The following TRMT11 variants were observed in gnomAD, a reference collection of about 807,000 sequenced individuals.
The protein encoded by TRMT11 is tRNA (guanine(10)-N(2))-methyltransferase TRMT11.
TRMT11 carries 53 observed loss-of-function variants against 62.8 expected under a neutral mutation model. The ratio of observed to expected loss-of-function variants is 0.84; its 90% confidence interval spans 0.68 to 1.06. TRMT11 has a LOEUF of 1.06. Ranked by LOEUF, TRMT11 falls within the 50% of genes least tolerant of loss-of-function variation. TRMT11 has a pLI of 0.00. For missense variants in TRMT11, 556 were observed against 553.4 expected (o/e 1.00, Z -0.05); for synonymous variants, 188 against 190.3 (o/e 0.99, Z 0.10).
chr6:126,017,523 G>T (rs1349286979), intron 11 of TRMT11, among the ~76,000 whole-genome samples: 2 of 152,062 alleles, frequency 1.3e-5, no homozygotes, highest in East Asian at 1.9e-4. Flanking sequence ...CAGACTTTTT[G>T]CCAGCATCAA....
chr6:126,171,883 C>T (rs1778333675), intron 21 of TRMT11, among the ~76,000 whole-genome samples: 1 of 151,990 alleles, frequency 6.6e-6, no homozygotes, highest in South Asian at 2.1e-4. Flanking sequence ...CCATGCCCAG[C>T]TAATTTTTGT....
chr6:126,070,999 C>G (rs1776835466), intron 17 of TRMT11, among the ~76,000 whole-genome samples: 1 of 152,160 alleles, frequency 6.6e-6, no homozygotes, highest in African/African-American at 2.4e-5. Flanking sequence ...GTGAGGAAGG[C>G]TTTTCGGAGT....
chr6:126,163,795 T>C (rs1180408053), intron 21 of TRMT11, among the ~76,000 whole-genome samples: 1 of 152,204 alleles, frequency 6.6e-6, no homozygotes, highest in East Asian at 1.9e-4. Flanking sequence ...TGGTAGTTTG[T>C]ATTTCTGTGG....
the TRMT11 span, among the ~76,000 whole-genome samples, chr6:126,252,076 A>G: frequency 6.6e-6 from 1 of 152,216 alleles, no homozygotes; most frequent in Non-Finnish European, 1.5e-5. Context: ...TGAGTAGAAA[A>G]AGAACCATTT....
the TRMT11 span, chr6:126,258,095 G>GATCTCCTTTTCCTGGC: frequency 7.8e-6 from 8 of 1,021,898 alleles, no homozygotes; most frequent in African/African-American, 1.1e-4. Context: ...CCAGTTCTGG[G>GATCTCCTTTTCCTGGC]ATCTCCTTTT....
chr6:126,104,472 A>G (rs1777440934), intron 17 of TRMT11, among the ~76,000 whole-genome samples: 1 of 152,210 alleles, frequency 6.6e-6, no homozygotes, highest in Non-Finnish European at 1.5e-5. Flanking sequence ...ACAGCTGTGA[A>G]GAATGGATGG....
intron 18 of TRMT11, among the ~76,000 whole-genome samples, chr6:126,114,579 G>T (rs1234084609): frequency 2.0e-5 from 3 of 152,154 alleles, no homozygotes; most frequent in South Asian, 4.2e-4. Context: ...CCCGCAGGGG[G>T]AGTTTCCGCA....
intron 1 of TRMT11, among the ~76,000 whole-genome samples, chr6:126,187,409 G>T (rs896747183): frequency 3.9e-5 from 6 of 151,922 alleles, no homozygotes; most frequent in Non-Finnish European, 7.4e-5. Context: ...AATAAAAAAT[G>T]TGCAAGACCC....
chr6:126,186,138 T>G (rs929814620), intron 1 of TRMT11, among the ~76,000 whole-genome samples: 2 of 152,230 alleles, frequency 1.3e-5, no homozygotes, highest in African/African-American at 4.8e-5. Flanking sequence ...CTCTATAATT[T>G]TCTTGTCAGA....
chr6:126,079,621 C>T (rs1777113739), intron 17 of TRMT11, among the ~76,000 whole-genome samples: 1 of 152,024 alleles, frequency 6.6e-6, no homozygotes, highest in Non-Finnish European at 1.5e-5. Flanking sequence ...GTACTGTGCT[C>T]ACGACCTGGG....
chr6:126,116,709 C>T (rs1388490019), intron 21 of TRMT11, among the ~76,000 whole-genome samples: 1 of 152,090 alleles, frequency 6.6e-6, no homozygotes, highest in African/African-American at 2.4e-5. Flanking sequence ...AGTATTTTAA[C>T]TGTAAAATAA....
At chr6:126,070,943 G>A (rs1776833572) in intron 17 of TRMT11, among the ~76,000 whole-genome samples, 2 of 152,194 alleles carry the variant, frequency 1.3e-5, no homozygotes, top group Admixed American at 1.3e-4. Context: ...GCTGTGCCTG[G>A]CAGGCCACAG....
At chr6:126,081,397 G>A (rs1182501223) in intron 17 of TRMT11, among the ~76,000 whole-genome samples, 5 of 152,104 alleles carry the variant, frequency 3.3e-5, no homozygotes, top group African/African-American at 1.2e-4. Flanking sequence ...TGATTAGCTT[G>A]ACATTGCACA....
intron 1 of TRMT11, among the ~76,000 whole-genome samples, chr6:126,186,964 A>G (rs1358895910): frequency 6.6e-6 from 1 of 152,080 alleles, no homozygotes; most frequent in Non-Finnish European, 1.5e-5. Flanking sequence ...TAGTATTTAA[A>G]TAGAACTTGC....
intron 8 of TRMT11, among the ~76,000 whole-genome samples, chr6:126,010,870 A>C (rs997182414): frequency 1.3e-5 from 2 of 152,052 alleles, no homozygotes; most frequent in Admixed American, 1.3e-4. Context: ...GCATTTCCCA[A>C]GTTCGCTCTC....
At chr6:126,255,232 C>A in the TRMT11 span, among the ~76,000 whole-genome samples, 1 of 152,120 alleles carries the variant, frequency 6.6e-6, no homozygotes, top group East Asian at 1.9e-4. Flanking sequence ...TCAATAATAT[C>A]TATACCTTTT....
intron 17 of TRMT11, among the ~76,000 whole-genome samples, chr6:126,071,063 T>G (rs780368139): frequency 6.6e-6 from 1 of 152,106 alleles, no homozygotes; most frequent in Non-Finnish European, 1.5e-5. Context: ...AGCAAGTGAG[T>G]GTCATGTATG....
At chr6:126,253,856 C>T in the TRMT11 span, among the ~76,000 whole-genome samples, 1 of 152,294 alleles carries the variant, frequency 6.6e-6, no homozygotes, top group East Asian at 1.9e-4. Flanking sequence ...AGTAAGGTCT[C>T]TTCCTAGCAG....
At chr6:126,216,717 A>G in the TRMT11 span, among the ~76,000 whole-genome samples, 12 of 152,230 alleles carry the variant, frequency 7.9e-5, no homozygotes, top group Non-Finnish European at 1.5e-4. Flanking sequence ...GTTTTGAGGT[A>G]GTCTTTTTTG....
Sources: gnomAD v4.1 joint callset for allele counts (sites outside exome capture counted in the v4.1 genomes callset) on GRCh38, gnomAD v4.1.1 for gene constraint, MANE v1.5 for transcripts, NCBI Gene and HGNC (gene_info 2026-07-23, HGNC 2026-07-21) for gene names.